Variants in LUZP2 observed in about 807,000 individuals in gnomAD.
LUZP2 encodes the protein leucine zipper protein 2.
Under a neutral mutation model 51.6 loss-of-function variants are expected in LUZP2, and 52 were observed. That is an observed-to-expected ratio of 1.01 (90% confidence interval 0.81 to 1.27). The LOEUF (loss-of-function observed/expected upper bound fraction) is 1.27. Ranked by LOEUF, LUZP2 falls within the 50% of genes most tolerant of loss-of-function variation. LUZP2 has a pLI of 0.00. For missense variants in LUZP2, 436 were observed against 395.4 expected (o/e 1.10, Z -0.87); for synonymous variants, 154 against 137.3 (o/e 1.12, Z -0.85).
chr11:24,874,803 C>A (rs1397997058), intron 5 of LUZP2, among the ~76,000 whole-genome samples: 2 of 152,022 alleles, frequency 1.3e-5, no homozygotes, highest in Admixed American at 1.3e-4. Flanking sequence ...TGTTATTTAC[C>A]CCTTTTCATT....
intron 9 of LUZP2, among the ~76,000 whole-genome samples, chr11:24,986,775 T>A (rs1014599118): frequency 6.6e-6 from 1 of 151,702 alleles, no homozygotes; most frequent in Non-Finnish European, 1.5e-5. Flanking sequence ...TCATTTTTTA[T>A]AAAATATATG....
intron 1 of LUZP2, among the ~76,000 whole-genome samples, chr11:24,547,905 T>A: frequency 6.6e-6 from 1 of 151,878 alleles, no homozygotes. Context: ...GGACAGACAC[T>A]TCTCAGTAGA....
chr11:24,977,688 AT>A lies in LUZP2; in HGVS notation c.597+1024del, dbSNP rs143081539. Among the ~76,000 whole-genome samples the A allele has an allele frequency of 6.8e-3, 1,027 of 151,792 alleles. 21 individuals carry two copies. The East Asian group carries it at 0.073, about 11-fold the overall frequency. ...ACATATGTATGTATACATACATTAG[AT>A]ATAGGTAATAAATATATGTATGTTG... is the stretch of plus-strand genomic sequence containing the variant. On this transcript the variant is annotated intron_variant, in intron 8 of 11. Coordinates refer to ENST00000336930, the MANE Select transcript of LUZP2 (RefSeq NM_001009909.4).
At chr11:25,054,052 A>C (rs1402617708) in intron 10 of LUZP2, among the ~76,000 whole-genome samples, 1 of 152,272 alleles carries the variant, frequency 6.6e-6, no homozygotes, top group Non-Finnish European at 1.5e-5. Flanking sequence ...AATTTATTAA[A>C]GATATTACAT....
At chr11:24,646,466 G>T (rs1334758769) in intron 1 of LUZP2, 2 of 314,364 alleles carry the variant, frequency 6.4e-6, no homozygotes, top group Non-Finnish European at 9.2e-6. Flanking sequence ...CACTATCAGA[G>T]ACTCAGAGTT....
chr11:24,503,076 G>GC (rs1252407372), intron 1 of LUZP2, among the ~76,000 whole-genome samples: 1 of 152,060 alleles, frequency 6.6e-6, no homozygotes, highest in Non-Finnish European at 1.5e-5. Context: ...TATAGAGGCA[G>GC]CCCAACCATT....
At chr11:24,772,977 A>G (rs1367389840) in intron 5 of LUZP2, among the ~76,000 whole-genome samples, 2 of 152,116 alleles carry the variant, frequency 1.3e-5, no homozygotes, top group Admixed American at 6.6e-5. Context: ...TTATTTCCAA[A>G]TAAGTTCATA....
intron 3 of LUZP2, among the ~76,000 whole-genome samples, chr11:24,732,559 C>A (rs75096983): frequency 0.02 from 3,083 of 151,560 alleles, 113 homozygotes; most frequent in African/African-American, 0.07. Flanking sequence ...TAATACAATC[C>A]AAACTTGATC....
intron 1 of LUZP2, among the ~76,000 whole-genome samples, chr11:24,582,028 G>T (rs1163105951): frequency 6.6e-6 from 1 of 152,016 alleles, no homozygotes; most frequent in African/African-American, 2.4e-5. Flanking sequence ...CTGCAGCCAT[G>T]ATTCTATTTT....
intron 9 of LUZP2, among the ~76,000 whole-genome samples, chr11:25,024,948 A>G (rs1219560417): frequency 6.6e-6 from 1 of 151,060 alleles, no homozygotes; most frequent in East Asian, 1.9e-4. Flanking sequence ...CAAAACAGAG[A>G]TATAGACCAA....
At chr11:24,850,892 G>A (rs1851372555) in intron 5 of LUZP2, among the ~76,000 whole-genome samples, 2 of 152,066 alleles carry the variant, frequency 1.3e-5, no homozygotes, top group African/African-American at 4.8e-5. Context: ...ATTGTGAATG[G>A]GAGTTCACTC....
At chr11:24,863,135 T>C (rs899321760) in intron 5 of LUZP2, among the ~76,000 whole-genome samples, 2 of 152,152 alleles carry the variant, frequency 1.3e-5, no homozygotes, top group Non-Finnish European at 2.9e-5. Flanking sequence ...ATTTGGAGAA[T>C]AGTTCCTCTG....
intron 9 of LUZP2, among the ~76,000 whole-genome samples, chr11:25,011,271 G>A (rs938098795): frequency 3.3e-5 from 5 of 152,152 alleles, no homozygotes; most frequent in Non-Finnish European, 7.3e-5. Flanking sequence ...ATATGTACAT[G>A]AGCATCTGTA....
chr11:25,045,535 C>T (rs1359380548), intron 9 of LUZP2, among the ~76,000 whole-genome samples: 2 of 152,070 alleles, frequency 1.3e-5, no homozygotes, highest in Non-Finnish European at 2.9e-5. Context: ...AATTTATTTT[C>T]AGTATATTCT....
Position 24,638,121 on chromosome 11 carries a change from T to C in LUZP2, c.63-91048T>C, listed in dbSNP as rs182411060. Among the ~76,000 whole-genome samples the C allele has an allele frequency of 9.3e-4, 141 of 151,966 alleles. 5 individuals are homozygous for C. The highest frequency in any genetic ancestry group is 3.2e-3 in the African/African-American group (134 of 41,262). ...AATGTTGGGGGCTGGTTCCCTGATA[T>C]AAAATCATTTTATTTAACTTAGCCC... On this transcript the variant is annotated intron_variant, in intron 1 of 11. Transcript: ENST00000336930.
chr11:24,698,516 C>G (rs1445756160), intron 1 of LUZP2, among the ~76,000 whole-genome samples: 6 of 152,124 alleles, frequency 3.9e-5, no homozygotes, highest in East Asian at 1.9e-4. Context: ...GGATTTTGAT[C>G]TCTCTTGTTT....
chr11:24,675,787 T>TA (rs201602189), intron 1 of LUZP2, among the ~76,000 whole-genome samples: 13,261 of 130,756 alleles, frequency 0.1, 671 homozygotes, highest in East Asian at 0.19. Context: ...TTTCTTTTTT[T>TA]TATATTTATT....
chr11:24,702,034 TA>T (rs1278562155), intron 1 of LUZP2, among the ~76,000 whole-genome samples: 1 of 152,238 alleles, frequency 6.6e-6, no homozygotes, highest in Non-Finnish European at 1.5e-5. Flanking sequence ...GCACACTCTG[TA>T]ACATCTTTGG....
At chr11:24,820,743 G>C (rs1029348741) in intron 5 of LUZP2, among the ~76,000 whole-genome samples, 1 of 152,100 alleles carries the variant, frequency 6.6e-6, no homozygotes, top group Non-Finnish European at 1.5e-5. Context: ...GGGTGTTACG[G>C]TGTTATGTCA....
Sources: allele counts gnomAD v4.1 joint callset (sites outside exome capture counted in the v4.1 genomes callset), GRCh38; gene constraint gnomAD v4.1.1; transcripts MANE v1.5; gene names NCBI Gene and HGNC (gene_info 2026-07-23, HGNC 2026-07-21).